Variants in RNF111 observed in about 807,000 individuals in gnomAD.
The protein encoded by RNF111 is ring finger protein 111.
Under a neutral mutation model 95.1 loss-of-function variants are expected in RNF111, and 17 were observed. That is an observed-to-expected ratio of 0.18 (90% CI 0.12 to 0.27). RNF111 has a LOEUF of 0.27. Among genes scored for constraint, RNF111 ranks in the 10% least tolerant of loss-of-function variants. RNF111 has a pLI of 1.00. For synonymous variants in RNF111, 440 were observed against 414.8 expected (o/e 1.06, Z -0.74); for missense variants, 1,189 against 1,210.4 (o/e 0.98, Z 0.26).
chr15:59,033,165 A>T (rs1419775296), intron 2 of RNF111, among the ~76,000 whole-genome samples: 3 of 152,184 alleles, frequency 2.0e-5, no homozygotes, highest in African/African-American at 7.2e-5. Flanking sequence ...TCTAATACTA[A>T]CATAAGCTTT....
chr15:59,014,927 A>T (rs2039997044), intron 1 of RNF111, among the ~76,000 whole-genome samples: 1 of 151,824 alleles, frequency 6.6e-6, no homozygotes, highest in South Asian at 2.1e-4. Context: ...TAATTTTTGT[A>T]TTTTTTTAGA....
rs1236062498 is a variant in RNF111, at chr15:59,033,261, CTTT to C, written c.880+1560_880+1562del. ...TGCCATTTCTTCTTCTCTTCTTCTT[CTTT>C]ATGAGTCCCTTTCTTTTCCAAGAAT... On this transcript the variant is annotated intron_variant, in intron 2 of 13. Coordinates refer to ENST00000348370, the MANE Select transcript of RNF111 (RefSeq NM_017610.8). Among the ~76,000 whole-genome samples, 5 of 152,220 alleles carry C rather than the reference CTTT, an allele frequency of 3.3e-5. No homozygotes were observed. In the Middle Eastern group the frequency reaches 0.01, roughly 311 times the overall value.
intron 1 of RNF111, among the ~76,000 whole-genome samples, chr15:59,011,837 CAAAG>C (rs796833495): frequency 5.9e-4 from 89 of 152,026 alleles, no homozygotes; most frequent in African/African-American, 2.1e-3. Context: ...TTGGGGAACA[CAAAG>C]AAGTTCATAG....
chr15:58,999,845 C>T (rs529905739), intron 1 of RNF111, among the ~76,000 whole-genome samples: 102 of 152,210 alleles, frequency 6.7e-4, no homozygotes, highest in Non-Finnish European at 1.3e-3. Flanking sequence ...AGCTTTTACT[C>T]ATGGTAGAGG....
chr15:59,091,297 A>G (rs2079045028), intron 12 of RNF111, 143 bp downstream of exon 12: 1 of 488,628 alleles, frequency 2.0e-6, no homozygotes, highest in Admixed American at 3.8e-5. Flanking sequence ...TGGAAAGTAT[A>G]AAAAATATAT....
chr15:59,096,163 A>G lies in RNF111; in HGVS notation c.*1263A>G. The G allele has an allele frequency of 7.5e-6, 3 of 398,184 alleles. No individual in the cohort carries two copies. Among genetic ancestry groups the G allele is most frequent in the Non-Finnish European group, 4.4e-6 (1 of 225,556 alleles). 24.7% of individuals were successfully genotyped at this position (398,184 alleles called of 1,614,324 possible). A position where few individuals can be genotyped will look rare whatever the true frequency, so the allele number is the denominator to read the frequency against. ...ATATAGAATATAAAGTTAAGTTAAC[A>G]TACTAACATTTCTCCTTTGGAGGAA... On this transcript the variant is annotated 3_prime_UTR_variant, in exon 14 of 14. Transcript: ENST00000348370.
chr15:59,041,022 C>T (rs533849330), intron 2 of RNF111, among the ~76,000 whole-genome samples: 1 of 152,218 alleles, frequency 6.6e-6, no homozygotes, highest in Non-Finnish European at 1.5e-5. Flanking sequence ...ATATGACCCC[C>T]TTCTCTTACT....
At chr15:59,014,210 C>G (rs1424833239) in intron 1 of RNF111, among the ~76,000 whole-genome samples, 1 of 152,100 alleles carries the variant, frequency 6.6e-6, no homozygotes, top group Non-Finnish European at 1.5e-5. Flanking sequence ...TTGACATGCC[C>G]CTATTCTTTT....
intron 1 of RNF111, among the ~76,000 whole-genome samples, chr15:59,015,025 A>G (rs867765808): frequency 1.3e-5 from 2 of 152,178 alleles, no homozygotes; most frequent in African/African-American, 4.8e-5. Flanking sequence ...CTGGGATAAT[A>G]CGTGTGAGCC....
At chr15:59,052,171 A>T (rs1294847556) in intron 2 of RNF111, 134 bp from the exon 3 acceptor site, 2 of 773,228 alleles carry the variant, frequency 2.6e-6, no homozygotes, top group African/African-American at 3.6e-5. Flanking sequence ...GTATTTTTTT[A>T]AAAAACCTTT....
chr15:59,094,722 G>A, intron 13 of RNF111, 61 bp from the exon 14 acceptor site: 1 of 898,630 alleles, frequency 1.1e-6, no homozygotes, highest in Non-Finnish European at 1.9e-6. Flanking sequence ...TATATAATTT[G>A]TTAACTACGT....
chr15:59,000,667 C>G (rs2039287717), intron 1 of RNF111, among the ~76,000 whole-genome samples: 1 of 151,232 alleles, frequency 6.6e-6, no homozygotes, highest in Non-Finnish European at 1.5e-5. Flanking sequence ...CAAGATGGCA[C>G]CACTCCGCTC....
At chr15:59,079,939 A>C (rs576272808) in intron 7 of RNF111, among the ~76,000 whole-genome samples, 1 of 152,256 alleles carries the variant, frequency 6.6e-6, no homozygotes, top group East Asian at 1.9e-4. Context: ...CATATATGCA[A>C]ATAATACTTA....
At chr15:58,990,053 C>T (rs376720970) in intron 1 of RNF111, among the ~76,000 whole-genome samples, 1 of 152,104 alleles carries the variant, frequency 6.6e-6, no homozygotes, top group Non-Finnish European at 1.5e-5. Flanking sequence ...CATTACCGTT[C>T]TATGGGTAAC....
At chr15:59,000,495 T>C (rs1203333268) in intron 1 of RNF111, among the ~76,000 whole-genome samples, 1 of 152,154 alleles carries the variant, frequency 6.6e-6, no homozygotes, top group East Asian at 1.9e-4. Context: ...GCGGATCACC[T>C]GAGGTCAGGA....
intron 1 of RNF111, among the ~76,000 whole-genome samples, chr15:59,024,360 T>G (rs1215580517): frequency 1.3e-5 from 2 of 152,228 alleles, no homozygotes; most frequent in African/African-American, 4.8e-5. Context: ...GCGAGTCAAC[T>G]GTTTTCATTG....
chr15:59,078,796 T>A (rs2078648176), intron 7 of RNF111, among the ~76,000 whole-genome samples: 1 of 150,976 alleles, frequency 6.6e-6, no homozygotes. Flanking sequence ...GAGATGGAGA[T>A]TGCAGTGAGC....
chr15:58,993,335 C>G (rs1395079236), intron 1 of RNF111, among the ~76,000 whole-genome samples: 1 of 152,032 alleles, frequency 6.6e-6, no homozygotes, highest in Admixed American at 6.6e-5. Context: ...ATGGTGAAAC[C>G]TTGTCTCTAC....
chr15:59,018,666 A>G (rs978806295), intron 1 of RNF111, among the ~76,000 whole-genome samples: 5 of 152,184 alleles, frequency 3.3e-5, no homozygotes, highest in African/African-American at 1.2e-4. Context: ...TATTTTACAA[A>G]TGCATATATT....
Sources: gnomAD v4.1 joint callset for allele counts (sites outside exome capture counted in the v4.1 genomes callset) on GRCh38, gnomAD v4.1.1 for gene constraint, MANE v1.5 for transcripts, NCBI Gene and HGNC (gene_info 2026-07-23, HGNC 2026-07-21) for gene names.